KIN: variants seen among roughly 807,000 people sequenced by gnomAD.
The protein encoded by KIN is Kin17 DNA and RNA binding protein.
KIN carries 47 observed loss-of-function variants against 63.0 expected under a neutral mutation model. The observed-to-expected ratio is 0.75, with a 90% confidence interval of 0.59 to 0.95. The LOEUF is 0.95. Ranked by LOEUF, KIN falls within the 40% of genes least tolerant of loss-of-function variation. The pLI is 0.00. For synonymous variants in KIN, 160 were observed against 157.7 expected (o/e 1.01, Z -0.11); for missense variants, 408 against 460.9 (o/e 0.89, Z 1.05).
chr10:7,761,629 G>A (rs1462735660), intron 11 of KIN, among the ~76,000 whole-genome samples: 1 of 152,136 alleles, frequency 6.6e-6, no homozygotes, highest in Non-Finnish European at 1.5e-5. Context: ...CCTGTGACAG[G>A]CCACTGTCAA....
intron 5 of KIN, among the ~76,000 whole-genome samples, chr10:7,777,053 C>CAAAAA (rs60757813): frequency 2.4e-4 from 19 of 80,712 alleles, no homozygotes; most frequent in East Asian, 2.9e-4. Flanking sequence ...GACAGTCTCT[C>CAAAAA]AAAAAAAAAA....
chr10:7,773,663 C>T (rs906844674), intron 7 of KIN, among the ~76,000 whole-genome samples: 1 of 152,116 alleles, frequency 6.6e-6, no homozygotes, highest in Non-Finnish European at 1.5e-5. Flanking sequence ...TATCTCCTTC[C>T]ATACTCCTAG....
chr10:7,787,505 G>A (rs1046488596), intron 1 of KIN, among the ~76,000 whole-genome samples: 5 of 152,174 alleles, frequency 3.3e-5, no homozygotes, highest in African/African-American at 1.2e-4. Flanking sequence ...GGCATTGCCC[G>A]GGCGTCTAGT....
chr10:7,757,316 T>C (rs1211385933), intron 12 of KIN, among the ~76,000 whole-genome samples: 3 of 152,042 alleles, frequency 2.0e-5, no homozygotes, highest in Non-Finnish European at 4.4e-5. Flanking sequence ...CTGACCAACA[T>C]AGTGAAACCC....
At chr10:7,763,606 GA>G in intron 10 of KIN, 116 bp downstream of exon 10, 1 of 643,644 alleles carries the variant, frequency 1.6e-6, no homozygotes, top group Non-Finnish European at 2.8e-6. Flanking sequence ...GAATAATCAA[GA>G]ATTTTAAACA....
intron 12 of KIN, among the ~76,000 whole-genome samples, chr10:7,757,470 C>T (rs1835352887): frequency 6.6e-6 from 1 of 151,572 alleles, no homozygotes; most frequent in South Asian, 2.1e-4. Flanking sequence ...TGCACTCCAG[C>T]CTGGGCGACA....
chr10:7,774,548 C>T (rs1385259933), intron 7 of KIN, among the ~76,000 whole-genome samples: 1 of 151,804 alleles, frequency 6.6e-6, no homozygotes, highest in Non-Finnish European at 1.5e-5. Context: ...TAGCTGGGCA[C>T]AGTAGGGCGT....
chr10:7,767,627 G>A (rs1835575399), intron 8 of KIN, among the ~76,000 whole-genome samples: 1 of 152,096 alleles, frequency 6.6e-6, no homozygotes, highest in Non-Finnish European at 1.5e-5. Flanking sequence ...GGAGGCCGAA[G>A]CGGGTGGATC....
At chr10:7,770,406 T>C (rs1216463673) in intron 7 of KIN, among the ~76,000 whole-genome samples, 6 of 152,236 alleles carry the variant, frequency 3.9e-5, no homozygotes, top group Non-Finnish European at 8.8e-5. Flanking sequence ...CATGCCTTGT[T>C]TTATACCTAA....
intron 7 of KIN, among the ~76,000 whole-genome samples, chr10:7,773,029 C>A (rs1357660155): frequency 6.6e-6 from 1 of 152,120 alleles, no homozygotes; most frequent in Non-Finnish European, 1.5e-5. Context: ...GATTTGACAC[C>A]TGGAGGAAAA....
rs189973191 is a variant in KIN, at chr10:7,763,613, A to C, written c.918+110T>G. ...ATTTCATGGAATAATCAAGAATTTT[A>C]AACATAGTACTTCTGCTACTAGGAC... On this transcript the variant is annotated intron_variant, in intron 10 of 12. Transcript: ENST00000379562. The C allele has an allele frequency of 3.3e-5, 22 of 661,340 alleles. No individual in the cohort carries two copies. In the East Asian group the frequency reaches 6.0e-4, roughly 18 times the overall value. The allele number at this position is 661,340 out of a possible 1,614,324, so 41.0% of individuals were successfully genotyped here.
At chr10:7,765,364 G>A (rs1835523114) in intron 9 of KIN, among the ~76,000 whole-genome samples, 1 of 151,944 alleles carries the variant, frequency 6.6e-6, no homozygotes, top group South Asian at 2.1e-4. Flanking sequence ...GGAAGCTGAG[G>A]TGGGAGGATC....
At chr10:7,778,484 T>C (rs534161922) in intron 5 of KIN, among the ~76,000 whole-genome samples, 6 of 152,304 alleles carry the variant, frequency 3.9e-5, no homozygotes, top group African/African-American at 1.4e-4. Context: ...CTCACGCCTG[T>C]AATCCTGTAA....
Position 7,751,892 on chromosome 10 carries a change from G to C in KIN, c.*4188C>G, listed in dbSNP as rs531220051. The C allele has an allele frequency of 9.2e-4, 2 of 2,176 alleles. 1 individual carries two copies. Among genetic ancestry groups the C allele is most frequent in the Non-Finnish European group, 1.9e-3 (2 of 1,066 alleles). 0.1% of individuals were successfully genotyped at this position (2,176 alleles called of 1,614,324 possible). On this transcript the variant is annotated 3_prime_UTR_variant, in exon 13 of 13. Coordinates refer to ENST00000379562, the MANE Select transcript of KIN (RefSeq NM_012311.4). ...GTACTAAAAATACAAAAAATTAGCC[G>C]GGCGCGGTGGCGGGCGCCTGTAGTC...
intron 9 of KIN, among the ~76,000 whole-genome samples, chr10:7,765,330 C>T (rs1835522300): frequency 6.6e-6 from 1 of 151,882 alleles, no homozygotes; most frequent in Non-Finnish European, 1.5e-5. Context: ...ATTAGTGGTG[C>T]ATGCTTGTAG....
At chr10:7,778,380 T>A (rs1004647554) in intron 5 of KIN, among the ~76,000 whole-genome samples, 1 of 152,174 alleles carries the variant, frequency 6.6e-6, no homozygotes, top group Non-Finnish European at 1.5e-5. Context: ...AAAATGTGCT[T>A]TTGACACCAG....
chr10:7,763,725 T>G lies in KIN; in HGVS notation c.916A>C (p.Lys306Gln), dbSNP rs371102519. The G allele has an allele frequency of 1.7e-5, 25 of 1,474,056 alleles. No homozygotes were observed. The African/African-American group carries it at 2.8e-4, about 17-fold the overall frequency. The allele number at this position is 1,474,056 out of a possible 1,614,324, so 91.3% of individuals were successfully genotyped here. ...CATTCATAATTGCACGTCCTTACCTTAACAATAGCCTTTTTCTTATGATAT... is the reference window on the plus strand; with the variant it reads ...CATTCATAATTGCACGTCCTTACCTGAACAATAGCCTTTTTCTTATGATAT... ...EKYHKKKAIV[K>Q]EVIDKYTAVV... Residue 306 changes from lysine to glutamine, a missense_variant and splice_region_variant, in exon 10 of 13, where the codon AAG (lysine) becomes CAG (glutamine). By Grantham distance (53) the Lys-to-Gln change is moderately conservative. This residue lies in a region of KIN where 298 missense variants were observed against 296.0 expected (regional missense o/e 1.01). Coordinates refer to ENST00000379562, the MANE Select transcript of KIN (RefSeq NM_012311.4).
chr10:7,781,927 G>A (rs1199808207), intron 2 of KIN, among the ~76,000 whole-genome samples: 10 of 151,978 alleles, frequency 6.6e-5, no homozygotes, highest in East Asian at 3.9e-4. Flanking sequence ...GCGTGGTGGC[G>A]CATGCCTGTA....
chr10:7,780,447 T>C, intron 2 of KIN, 140 bp from the exon 3 acceptor site: 1 of 649,222 alleles, frequency 1.5e-6, no homozygotes, highest in Non-Finnish European at 2.6e-6. Flanking sequence ...CAAGCTGGAG[T>C]GCAATAGTGT....
Sources: gnomAD v4.1 joint callset for allele counts (sites outside exome capture counted in the v4.1 genomes callset) on GRCh38, gnomAD v4.1.1 for gene constraint, gnomAD v4.1.1 regional missense constraint, MANE v1.5 for transcripts, NCBI Gene and HGNC (gene_info 2026-07-23, HGNC 2026-07-21) for gene names.